Variants in AKAP12 observed in about 807,000 individuals in gnomAD.
The protein encoded by AKAP12 is A-kinase anchoring protein 12, also known as A-kinase anchor protein 12.
A neutral mutation model predicts 79.9 loss-of-function variants in AKAP12; 32 were observed. The ratio of observed to expected loss-of-function variants is 0.40; its 90% CI spans 0.30 to 0.54. The LOEUF is 0.54. Among genes scored for constraint, AKAP12 ranks in the 20% least tolerant of loss-of-function variants. AKAP12 has a pLI of 0.48. For synonymous variants in AKAP12, 808 were observed against 857.0 expected (o/e 0.94, Z 1.00); for missense variants, 2,074 against 2,177.0 (o/e 0.95, Z 0.94).
intron 2 of AKAP12, among the ~76,000 whole-genome samples, chr6:151,305,024 G>A (rs996900060): frequency 1.3e-5 from 2 of 152,218 alleles, no homozygotes; most frequent in African/African-American, 4.8e-5. Flanking sequence ...GGCTCTGGGA[G>A]CACTGGCCTT....
intron 3 of AKAP12, among the ~76,000 whole-genome samples, chr6:151,337,511 C>T (rs1472873522): frequency 3.8e-5 from 2 of 52,112 alleles, no homozygotes; most frequent in Non-Finnish European, 5.8e-5. Context: ...GTTTCCGTCT[C>T]GAAAAAAAAA....
At chr6:151,295,369 A>T (rs1776702612) in intron 2 of AKAP12, among the ~76,000 whole-genome samples, 1 of 152,152 alleles carries the variant, frequency 6.6e-6, no homozygotes. Flanking sequence ...AGTTTGGGTT[A>T]TTTCTCCTGA....
In AKAP12 at chr6:151,352,688, G is replaced by A; in HGVS notation, c.4297G>A (p.Glu1433Lys). The A allele has an allele frequency of 6.2e-7, 1 of 1,614,230 alleles. No homozygotes were observed. Among genetic ancestry groups the A allele is most frequent in the Non-Finnish European group, 8.5e-7 (1 of 1,180,044 alleles). Residue 1433 changes from glutamate to lysine, a missense_variant, in exon 4 of 5, where the codon GAA (glutamate) becomes AAA (lysine). This residue lies in a region of AKAP12 where 614 missense variants were observed against 665.6 expected (regional missense o/e 0.92). Transcript: ENST00000402676. Reference protein sequence around the residue: ...AAAEEEKVLGETANILETGET... With the variant: ...AAAEEEKVLGKTANILETGET... ...TGCAGAGGAGGAAAAGGTCTTAGGA[G>A]AAACTGCCAACATTTTAGAAACAGG...
intron 2 of AKAP12, among the ~76,000 whole-genome samples, chr6:151,293,697 C>T (rs1198489576): frequency 4.6e-5 from 7 of 152,272 alleles, no homozygotes; most frequent in East Asian, 3.9e-4. Flanking sequence ...TTGTTAAACA[C>T]GGAACTCCAG....
At chr6:151,289,868 C>T (rs1238699407) in intron 2 of AKAP12, among the ~76,000 whole-genome samples, 1 of 152,172 alleles carries the variant, frequency 6.6e-6, no homozygotes, top group East Asian at 1.9e-4. Flanking sequence ...TCATTCAAAG[C>T]AAAGACTGAG....
chr6:151,329,979 C>T (rs920395221), intron 3 of AKAP12, among the ~76,000 whole-genome samples: 3 of 152,340 alleles, frequency 2.0e-5, no homozygotes, highest in Admixed American at 6.5e-5. Context: ...GACCCACATT[C>T]TTACATGCCT....
In AKAP12 at chr6:151,240,729, G is replaced by C. The variant is rs1744681579; in HGVS notation, c.162+5G>C. 1.6e-6 allele frequency: 2 copies of C among 1,255,072 alleles called. No individual in the cohort carries two copies. Among genetic ancestry groups the C allele is most frequent in the South Asian group, 3.2e-5 (1 of 30,830 alleles). The allele number at this position is 1,255,072 out of a possible 1,614,324, so 77.7% of individuals were successfully genotyped here. A position where few individuals can be genotyped will look rare whatever the true frequency, so the allele number is the denominator to read the frequency against. ...GCCTCGGACCCCGCCACCAAGGTACGGGCGTGCCGGGCCACCTGCGCCGGG... is the reference window on the plus strand; with the variant it reads ...GCCTCGGACCCCGCCACCAAGGTACCGGCGTGCCGGGCCACCTGCGCCGGG... On this transcript the variant is annotated splice_donor_5th_base_variant and intron_variant, in intron 2 of 4. Coordinates refer to ENST00000402676, the MANE Select transcript of AKAP12 (RefSeq NM_005100.4).
At position 151,263,287 on chromosome 6, in the gene AKAP12, G is replaced by A. The variant is rs146403238; in HGVS notation, c.162+22563G>A. ...TGGGCTCAAGCAATCCCCCTGCCTT[G>A]GCCTCCCAAAATGCTGGGATTACAG... On this transcript the variant is annotated intron_variant, in intron 2 of 4. Coordinates refer to ENST00000402676, the MANE Select transcript of AKAP12 (RefSeq NM_005100.4). Among the ~76,000 whole-genome samples the A allele has an allele frequency of 9.2e-5, 14 of 152,146 alleles. No individual in the cohort carries two copies. The East Asian group carries it at 2.5e-3, about 27-fold the overall frequency.
intron 2 of AKAP12, among the ~76,000 whole-genome samples, chr6:151,271,573 C>T (rs912264727): frequency 6.6e-6 from 1 of 152,088 alleles, no homozygotes; most frequent in African/African-American, 2.4e-5. Context: ...CCGCCCACCT[C>T]GGCCTCCCAA....
At chr6:151,273,410 T>G (rs1252176126) in intron 2 of AKAP12, among the ~76,000 whole-genome samples, 2 of 152,196 alleles carry the variant, frequency 1.3e-5, no homozygotes, top group Non-Finnish European at 2.9e-5. Context: ...ATACCGGTGA[T>G]TCCATTGCCA....
At chr6:151,306,056 T>C (rs1470611505) in intron 3 of AKAP12, among the ~76,000 whole-genome samples, 153 bp downstream of exon 3, 3 of 152,222 alleles carry the variant, frequency 2.0e-5, no homozygotes, top group Non-Finnish European at 4.4e-5. Context: ...ATCTGACCAT[T>C]TGGATACCCC....
chr6:151,339,059 A>G (rs901823649), intron 3 of AKAP12, among the ~76,000 whole-genome samples: 1 of 152,222 alleles, frequency 6.6e-6, no homozygotes, highest in Non-Finnish European at 1.5e-5. Flanking sequence ...ACTCTTTTCA[A>G]AACGATGCAT....
At chr6:151,335,943 A>C (rs77940476) in intron 3 of AKAP12, among the ~76,000 whole-genome samples, 2,384 of 152,172 alleles carry the variant, frequency 0.016, 62 homozygotes, top group African/African-American at 0.055. Flanking sequence ...CTTTTAGAGT[A>C]CCCAGTGTCT....
intron 2 of AKAP12, among the ~76,000 whole-genome samples, chr6:151,284,066 T>C (rs1438110982): frequency 2.0e-5 from 3 of 152,190 alleles, no homozygotes; most frequent in African/African-American, 7.2e-5. Flanking sequence ...AGCGTATAGC[T>C]TGGTGAGTTC....
In AKAP12 at chr6:151,301,261, A is replaced by T. The variant is rs534538235; in HGVS notation, c.163-4486A>T. On this transcript the variant is annotated intron_variant, in intron 2 of 4. Coordinates refer to ENST00000402676, the MANE Select transcript of AKAP12 (RefSeq NM_005100.4). ...GCCATTTGAGTTGCAGACAGGAGAG[A>T]CTGATTGAAGTTAAGCAAGGTGCGT... 4.9e-4 allele frequency among the ~76,000 whole-genome samples: 75 copies of T among 152,260 alleles called. No individual in the cohort carries two copies. In the South Asian group the frequency reaches 7.0e-3, roughly 14 times the overall value.
chr6:151,295,643 A>G (rs183523377), intron 2 of AKAP12, among the ~76,000 whole-genome samples: 5 of 152,352 alleles, frequency 3.3e-5, no homozygotes, highest in Admixed American at 2.6e-4. Flanking sequence ...ATTAAATTAA[A>G]TTAGTTAAAC....
intron 3 of AKAP12, among the ~76,000 whole-genome samples, chr6:151,308,021 C>A (rs765891668): frequency 3.3e-5 from 5 of 151,834 alleles, no homozygotes; most frequent in Non-Finnish European, 7.4e-5. Flanking sequence ...GTAGCTGGGA[C>A]GTGCCACCAC....
At chr6:151,339,552 C>T (rs1189455488) in intron 3 of AKAP12, among the ~76,000 whole-genome samples, 4 of 152,104 alleles carry the variant, frequency 2.6e-5, no homozygotes, top group African/African-American at 9.7e-5. Context: ...CAGAATGGGT[C>T]ATTTGTTACA....
In AKAP12 at chr6:151,352,786, C is replaced by A; in HGVS notation, c.4395C>A (p.Ala1465=). ...CCTCTGAAAAAAATGAAGACTTTGCCGCTCATCCAGGGGAAGATGCTGTGC... is the reference window on the plus strand; with the variant it reads ...CCTCTGAAAAAAATGAAGACTTTGCAGCTCATCCAGGGGAAGATGCTGTGC... ...EKSSEKNEDF[A]AHPGEDAVPT... The change falls in exon 4 of 5, where the codon GCC becomes GCA. Residue 1465 remains alanine, a synonymous_variant. Coordinates refer to ENST00000402676, the MANE Select transcript of AKAP12 (RefSeq NM_005100.4). The A allele has an allele frequency of 6.2e-7, 1 of 1,614,158 alleles. No homozygotes were observed. Among genetic ancestry groups the A allele is most frequent in the Non-Finnish European group, 8.5e-7 (1 of 1,180,042 alleles).
Sources: gnomAD v4.1 joint callset for allele counts (sites outside exome capture counted in the v4.1 genomes callset) on GRCh38, gnomAD v4.1.1 for gene constraint, gnomAD v4.1.1 regional missense constraint, MANE v1.5 for transcripts, NCBI Gene and HGNC (gene_info 2026-07-23, HGNC 2026-07-21) for gene names.